The following TMEM150B variants were observed in gnomAD, a reference collection of about 807,000 sequenced individuals.
TMEM150B encodes modulator of macroautophagy TMEM150B.
TMEM150B carries 33 observed loss-of-function variants against 25.2 expected under a neutral mutation model. The observed-to-expected ratio is 1.31, with a 90% CI of 0.99 to 1.75. The LOEUF (loss-of-function observed/expected upper bound fraction) is 1.75, where lower values mean the gene tolerates loss of function less well. TMEM150B is among the 40% of genes most tolerant of loss of function. TMEM150B has a pLI of 0.00. For missense variants in TMEM150B, 322 were observed against 306.1 expected, an observed-to-expected ratio of 1.05 and a Z score of -0.39; for synonymous variants, 133 against 134.8, an observed-to-expected ratio of 0.99 and a Z score of 0.09.
At chr19:55,312,097 C>T (rs531608461), downstream of TMEM150B, 5 of 1,060,730 alleles carry the variant, frequency 4.7e-6, no homozygotes, top group Admixed American at 6.6e-5. Flanking sequence ...GGAGGGGACC[C>T]CCCTCCACCC....
At chr19:55,312,065 C>A (rs1002773780), downstream of TMEM150B, 1 of 1,433,572 alleles carries the variant, frequency 7.0e-7, no homozygotes, top group Non-Finnish European at 9.2e-7. Flanking sequence ...CCCCTCTGCC[C>A]TGACCCCACG....
intron 3 of TMEM150B, 105 bp downstream of exon 3, chr19:55,320,860 AGATC>A: frequency 3.0e-6 from 4 of 1,347,788 alleles, no homozygotes; most frequent in Non-Finnish European, 4.0e-6. Context: ...CTCCTCCCTC[AGATC>A]CAGGGATCCA....
At chr19:55,315,175 G>C (rs1041753986) in intron 7 of TMEM150B, among the ~76,000 whole-genome samples, 1 of 151,916 alleles carries the variant, frequency 6.6e-6, no homozygotes, top group African/African-American at 2.4e-5. Context: ...AATTAGCCAG[G>C]TGTGGTGGTG....
At position 55,314,967 on chromosome 19, in the gene TMEM150B, C is replaced by G. The variant is rs1483291226; in HGVS notation, c.505+1819G>C. Among the ~76,000 whole-genome samples the G allele has an allele frequency of 3.3e-5, 5 of 152,190 alleles. 1 individual carries two copies. The highest frequency in any genetic ancestry group is 2.6e-4 in the Admixed American group (4 of 15,264). On this transcript the variant is annotated intron_variant, in intron 7 of 7. Coordinates refer to ENST00000326652, the MANE Select transcript of TMEM150B (RefSeq NM_001282011.2). ...CTCCCCACAAATGAGAAAGACCCCC[C>G]AAGGCTGGGTTTTCAGCCCCTCCTT...
downstream of TMEM150B, chr19:55,312,533 C>CAAAAAAAAAAA (rs372052269): frequency 2.1e-3 from 55 of 25,710 alleles, no homozygotes; most frequent in Middle Eastern, 0.11. Flanking sequence ...CCGCCGGCGG[C>CAAAAAAAAAAA]AAAAAAAAAA....
At chr19:55,322,942 T>C (rs896727917) in intron 1 of TMEM150B, among the ~76,000 whole-genome samples, 199 bp from the exon 2 acceptor site, 5 of 152,212 alleles carry the variant, frequency 3.3e-5, no homozygotes, top group African/African-American at 9.6e-5. Flanking sequence ...TATCCTCCCC[T>C]GGACTCAGAT....
chr19:55,319,836 A>C (rs1405804204), intron 6 of TMEM150B: 2 of 1,411,798 alleles, frequency 1.4e-6, no homozygotes, highest in Non-Finnish European at 9.2e-7. Flanking sequence ...TCCTACATAC[A>C]AACAGCCTCG....
chr19:55,313,618 C>A (rs1220949520), intron 7 of TMEM150B, among the ~76,000 whole-genome samples: 3 of 152,238 alleles, frequency 2.0e-5, no homozygotes, highest in Admixed American at 6.5e-5. Flanking sequence ...GACACTCCCC[C>A]GGCCCTCTCT....
At chr19:55,318,928 C>T (rs1381579937) in intron 6 of TMEM150B, among the ~76,000 whole-genome samples, 1 of 151,846 alleles carries the variant, frequency 6.6e-6, no homozygotes, top group Non-Finnish European at 1.5e-5. Flanking sequence ...CCACCTCAGC[C>T]TCCTGCATAG....
chr19:55,315,718 G>A (rs1033811838), intron 7 of TMEM150B, among the ~76,000 whole-genome samples: 1 of 149,132 alleles, frequency 6.7e-6, no homozygotes, highest in Admixed American at 6.8e-5. Flanking sequence ...CCAAGATCAC[G>A]CCACTTCACT....
At chr19:55,323,619 C>A (rs1336243206) in intron 1 of TMEM150B, among the ~76,000 whole-genome samples, 2 of 150,700 alleles carry the variant, frequency 1.3e-5, no homozygotes, top group Non-Finnish European at 3.0e-5. Context: ...TCTCCTGCCT[C>A]AGCCTCCTGA....
At chr19:55,316,319 C>T (rs917885866) in intron 7 of TMEM150B, among the ~76,000 whole-genome samples, 14 of 151,364 alleles carry the variant, frequency 9.2e-5, no homozygotes, top group South Asian at 2.1e-4. Context: ...GCATCCTGGC[C>T]GAAAGACTTT....
intron 7 of TMEM150B, among the ~76,000 whole-genome samples, 195 bp from the exon 8 acceptor site, chr19:55,313,250 C>T (rs531317640): frequency 6.6e-6 from 1 of 152,280 alleles, no homozygotes; most frequent in Admixed American, 6.5e-5. Flanking sequence ...TCTCAAGCTG[C>T]TTGCACATGC....
chr19:55,310,862 C>T (rs989656079), downstream of TMEM150B, among the ~76,000 whole-genome samples: 1 of 152,180 alleles, frequency 6.6e-6, no homozygotes, highest in Non-Finnish European at 1.5e-5. The surrounding 1 kb of genome is among the most constrained non-coding windows in gnomAD (Gnocchi z 5.0). Flanking sequence ...GTAGGACTAA[C>T]AGGCACCCTG....
At chr19:55,316,765 C>A in intron 7 of TMEM150B, 21 bp downstream of exon 7, 3 of 1,477,668 alleles carry the variant, frequency 2.0e-6, no homozygotes, top group East Asian at 2.6e-5. Flanking sequence ...CCAAGCCCTA[C>A]CCCGGATACA....
intron 6 of TMEM150B, 45 bp from the exon 7 acceptor site, chr19:55,317,011 G>T: frequency 6.4e-7 from 1 of 1,556,190 alleles, no homozygotes; most frequent in Non-Finnish European, 8.6e-7. Context: ...CTGGGAAGGA[G>T]GGTAAGGGGC....
intron 1 of TMEM150B, among the ~76,000 whole-genome samples, chr19:55,324,008 A>G (rs1250494056): frequency 6.7e-6 from 1 of 148,918 alleles, no homozygotes; most frequent in Non-Finnish European, 1.5e-5. Flanking sequence ...GAGTTTCACC[A>G]TGTTGGCCAG....
Position 55,317,009 on chromosome 19 carries a change from G to A in TMEM150B, c.325-43C>T, listed in dbSNP as rs201261979. ...AAGTTGGGAGGGAGACTCTGGGAAG[G>A]AGGGTAAGGGGCACCAGAGGGGCCA... On this transcript the variant is annotated intron_variant, in intron 6 of 7. Coordinates refer to ENST00000326652, the MANE Select transcript of TMEM150B (RefSeq NM_001282011.2). 20 of 1,557,820 alleles carry A rather than the reference G, an allele frequency of 1.3e-5. No homozygotes were observed. The African/African-American group carries it at 2.6e-4, about 20-fold the overall frequency.
intron 2 of TMEM150B, 134 bp from the exon 3 acceptor site, chr19:55,321,227 T>G: frequency 8.0e-7 from 1 of 1,256,746 alleles, no homozygotes; most frequent in Non-Finnish European, 1.1e-6. Context: ...TTCCAGGCAA[T>G]TTCCCCACCT....
Sources: allele counts gnomAD v4.1 joint callset (sites outside exome capture counted in the v4.1 genomes callset), GRCh38; gene constraint gnomAD v4.1.1; non-coding constraint Gnocchi (gnomAD v3.1); transcripts MANE v1.5; gene names NCBI Gene and HGNC (gene_info 2026-07-23, HGNC 2026-07-21).